Variants in GALNT2 observed in about 807,000 individuals in gnomAD.
GALNT2 encodes UDP-GalNAc:polypeptide N-acetylgalactosaminyltransferase 2.
GALNT2 carries 31 observed loss-of-function variants against 81.4 expected under a neutral mutation model. That is an observed-to-expected ratio of 0.38 (90% CI 0.29 to 0.51). The LOEUF (loss-of-function observed/expected upper bound fraction) is 0.51, where lower values mean the gene tolerates loss of function less well. Among genes scored for constraint, GALNT2 ranks in the 20% least tolerant of loss-of-function variants. The pLI, the probability that GALNT2 is intolerant of heterozygous loss-of-function variation, is 0.87. For missense variants in GALNT2, 629 were observed against 765.7 expected (o/e 0.82, Z 2.11); for synonymous variants, 303 against 287.4 (o/e 1.05, Z -0.55).
intron 3 of GALNT2, among the ~76,000 whole-genome samples, chr1:230,204,155 T>C (rs1411995710): frequency 1.4e-5 from 2 of 145,186 alleles, no homozygotes; most frequent in African/African-American, 2.6e-5. Flanking sequence ...TCCTTCTTTT[T>C]CTTTTTCTTT....
intron 3 of GALNT2, among the ~76,000 whole-genome samples, chr1:230,214,284 G>C (rs1225189576): frequency 6.6e-6 from 1 of 151,968 alleles, no homozygotes; most frequent in African/African-American, 2.4e-5. Context: ...GGCCAATTTT[G>C]TATTTTTAGT....
rs568104464 is a variant in GALNT2 at position 230,106,665 on chromosome 1, T to A, written c.126+39259T>A. 3.3e-5 allele frequency among the ~76,000 whole-genome samples: 5 copies of A among 152,332 alleles called. No homozygotes were observed. The South Asian group carries it at 1.0e-3, about 32-fold the overall frequency. On this transcript the variant is annotated intron_variant, in intron 1 of 15. Coordinates refer to ENST00000366672, the MANE Select transcript of GALNT2 (RefSeq NM_004481.5). ...AAGAGTGCATTTGTTGATATTATTG[T>A]TTGGCCTCTCCTGTCATTAGCCCTA...
chr1:230,116,881 G>A (rs899307860), intron 1 of GALNT2, among the ~76,000 whole-genome samples: 1 of 152,156 alleles, frequency 6.6e-6, no homozygotes, highest in African/African-American at 2.4e-5. Flanking sequence ...ATGAGCATTG[G>A]CATCAATGTA....
In GALNT2 at chr1:230,222,031, C is replaced by CTTTTTTTTTTTT. The variant is rs564681409; in HGVS notation, c.375-13981_375-13970dup. ...TTTATATACATTTCACTGCTTTTCT[C>CTTTTTTTTTTTT]TTTTTTTTTTTTTGAGACAGAGTCT... On this transcript the variant is annotated intron_variant, in intron 3 of 15. Coordinates refer to ENST00000366672, the MANE Select transcript of GALNT2 (RefSeq NM_004481.5). Among the ~76,000 whole-genome samples the CTTTTTTTTTTTT allele has an allele frequency of 5.1e-4, 49 of 96,114 alleles. 9 individuals carry two copies. Among genetic ancestry groups the CTTTTTTTTTTTT allele is most frequent in the African/African-American group, 1.8e-3 (35 of 19,566 alleles). The allele number at this position is 96,114 out of a possible 152,430, so 63.1% of individuals were successfully genotyped here.
chr1:230,063,334 A>G (rs1420531981), upstream of GALNT2, among the ~76,000 whole-genome samples: 1 of 152,060 alleles, frequency 6.6e-6, no homozygotes, highest in African/African-American at 2.4e-5. Flanking sequence ...AATTTTATAT[A>G]ATAGCTATCC....
chr1:230,180,511 A>T (rs1302466072), intron 2 of GALNT2, among the ~76,000 whole-genome samples: 1 of 151,972 alleles, frequency 6.6e-6, no homozygotes, highest in African/African-American at 2.4e-5. Flanking sequence ...CTTGATTACC[A>T]TGACTTCATG....
intron 1 of GALNT2, among the ~76,000 whole-genome samples, chr1:230,148,696 C>T (rs1396931995): frequency 6.6e-6 from 1 of 152,092 alleles, no homozygotes; most frequent in African/African-American, 2.4e-5. Flanking sequence ...AGGTGATCCT[C>T]CCACCTCAGC....
intron 2 of GALNT2, among the ~76,000 whole-genome samples, chr1:230,182,357 C>A (rs1663188065): frequency 6.6e-6 from 1 of 152,114 alleles, no homozygotes; most frequent in Non-Finnish European, 1.5e-5. Flanking sequence ...CTAATGTATG[C>A]ACTCAGTACT....
At chr1:230,265,080 C>T (rs1367153242) in intron 13 of GALNT2, 161 bp from the exon 14 acceptor site, 1 of 800,246 alleles carries the variant, frequency 1.2e-6, no homozygotes, top group Non-Finnish European at 2.1e-6. Flanking sequence ...ATGCCGTGTC[C>T]CTGACACACA....
At chr1:230,178,407 T>C (rs1663054876) in intron 2 of GALNT2, 96 bp downstream of exon 2, 1 of 886,708 alleles carries the variant, frequency 1.1e-6, no homozygotes, top group South Asian at 1.7e-5. Flanking sequence ...GGGGAGAGGC[T>C]GGATTCCATA....
At chr1:230,200,000 A>G (rs915433156) in intron 2 of GALNT2, among the ~76,000 whole-genome samples, 2 of 151,964 alleles carry the variant, frequency 1.3e-5, no homozygotes, top group African/African-American at 4.8e-5. Flanking sequence ...CTTCACCCTC[A>G]GAGCACTTAG....
chr1:230,263,052 C>T (rs921837685), intron 13 of GALNT2, 47 bp downstream of exon 13: 3 of 1,472,804 alleles, frequency 2.0e-6, no homozygotes, highest in Non-Finnish European at 2.8e-6. Context: ...GGCTTAGAAG[C>T]CAGTAAGGCC....
chr1:230,077,915 A>G (rs1318406229), intron 1 of GALNT2, among the ~76,000 whole-genome samples: 1 of 152,224 alleles, frequency 6.6e-6, no homozygotes, highest in Non-Finnish European at 1.5e-5. Flanking sequence ...TTAGGGATTA[A>G]GAGTGCTTGC....
chr1:230,190,409 C>T (rs925542081), intron 2 of GALNT2, among the ~76,000 whole-genome samples: 1 of 152,220 alleles, frequency 6.6e-6, no homozygotes, highest in African/African-American at 2.4e-5. Context: ...TTAGAGTTGG[C>T]TCCTGGGACC....
At chr1:230,242,149 G>A (rs543227178) in intron 6 of GALNT2, among the ~76,000 whole-genome samples, 4 of 152,232 alleles carry the variant, frequency 2.6e-5, no homozygotes, top group East Asian at 3.9e-4. Context: ...GGAAAACGCC[G>A]TATAAACACG....
intron 2 of GALNT2, among the ~76,000 whole-genome samples, chr1:230,188,929 T>C (rs1663428390): frequency 2.0e-5 from 3 of 152,118 alleles, no homozygotes; most frequent in African/African-American, 7.2e-5. Flanking sequence ...TAATTGTCTC[T>C]GAATCTGACC....
At chr1:230,140,021 GGCCCAGAGAGGCTGTGCCTGGTCCAGGCT>G (rs1246505955) in intron 1 of GALNT2, among the ~76,000 whole-genome samples, 1 of 152,246 alleles carries the variant, frequency 6.6e-6, no homozygotes, top group Non-Finnish European at 1.5e-5. Flanking sequence ...GACCACCCCA[GGCCCAGAGAGGCTGTGCCTGGTCCAGGCT>G]GCCGGGTCCC....
intron 1 of GALNT2, among the ~76,000 whole-genome samples, chr1:230,148,557 CT>C (rs1210364887): frequency 6.6e-6 from 1 of 152,188 alleles, no homozygotes; most frequent in Non-Finnish European, 1.5e-5. Flanking sequence ...GTGGGTCAGC[CT>C]TTTCAAGGGG....
intron 1 of GALNT2, among the ~76,000 whole-genome samples, chr1:230,100,558 T>G (rs1303391774): frequency 1.3e-5 from 2 of 152,208 alleles, no homozygotes; most frequent in African/African-American, 4.8e-5. Flanking sequence ...ACTCGCCACC[T>G]CAGGCGATCT....
Sources: allele counts gnomAD v4.1 joint callset (sites outside exome capture counted in the v4.1 genomes callset), GRCh38; gene constraint gnomAD v4.1.1; transcripts MANE v1.5; gene names NCBI Gene and HGNC (gene_info 2026-07-23, HGNC 2026-07-21).